PPP6R3: variants seen among roughly 807,000 people sequenced by gnomAD.
PPP6R3 encodes serine/threonine-protein phosphatase 6 regulatory subunit 3.
In PPP6R3, 38 loss-of-function variants were observed where a neutral mutation model predicts 110.7. The observed-to-expected ratio is 0.34, with a 90% confidence interval of 0.26 to 0.45. The LOEUF (loss-of-function observed/expected upper bound fraction) is 0.45. PPP6R3 is among the 20% of genes least tolerant of loss of function. The probability of loss-of-function intolerance (pLI) is 1.00; values close to 1 mark genes in which losing one functional copy is unlikely to be tolerated. For missense variants in PPP6R3, 870 were observed against 1,062.4 expected, an observed-to-expected ratio of 0.82 and a Z score of 2.52; for synonymous variants, 369 against 373.5, an observed-to-expected ratio of 0.99 and a Z score of 0.14.
intron 14 of PPP6R3, among the ~76,000 whole-genome samples, chr11:68,581,833 TG>T (rs1286536471): frequency 2.0e-5 from 3 of 152,218 alleles, no homozygotes. Context: ...ACAAACAGAA[TG>T]GGAGTGCTTT....
At chr11:68,560,192 A>G (rs1432218114) in intron 8 of PPP6R3, among the ~76,000 whole-genome samples, 1 of 152,232 alleles carries the variant, frequency 6.6e-6, no homozygotes, top group Non-Finnish European at 1.5e-5. Context: ...AACAGAAGGA[A>G]AGAAATAATA....
At chr11:68,562,527 A>G (rs1395077494) in intron 8 of PPP6R3, among the ~76,000 whole-genome samples, 1 of 152,232 alleles carries the variant, frequency 6.6e-6, no homozygotes, top group Non-Finnish European at 1.5e-5. Context: ...GACTTAATAC[A>G]AAGCGACAGC....
chr11:68,590,847 C>T, intron 17 of PPP6R3, 133 bp downstream of exon 17: 1 of 1,085,070 alleles, frequency 9.2e-7, no homozygotes, highest in Non-Finnish European at 1.2e-6. Context: ...ACATACTTCA[C>T]TCTGTCCCAC....
chr11:68,568,687 CTCTG>C (rs936162883), intron 10 of PPP6R3, among the ~76,000 whole-genome samples: 8 of 152,124 alleles, frequency 5.3e-5, no homozygotes, highest in Non-Finnish European at 1.2e-4. Flanking sequence ...TTTTGTGTAT[CTCTG>C]TCTGCCATGT....
At position 68,475,008 on chromosome 11, in the gene PPP6R3, A is replaced by C. The variant is rs141574021; in HGVS notation, c.-158+14181A>C. 4.4e-4 allele frequency among the ~76,000 whole-genome samples: 67 copies of C among 152,188 alleles called. 3 individuals are homozygous for C. The East Asian group carries it at 0.012, about 27-fold the overall frequency. On this transcript the variant is annotated intron_variant, in intron 1 of 23. Transcript: ENST00000393800. ...CAGGACAACAGTGGAGGGAAGGTCAACATACAAACAAGTGAACAAAGGTCT... is the reference window on the plus strand; with the variant it reads ...CAGGACAACAGTGGAGGGAAGGTCACCATACAAACAAGTGAACAAAGGTCT...
At chr11:68,603,644 C>A in intron 22 of PPP6R3, 152 bp downstream of exon 22, 1 of 997,404 alleles carries the variant, frequency 1.0e-6, no homozygotes, top group Non-Finnish European at 1.4e-6. Flanking sequence ...CACAATAAAT[C>A]TTAATGAAGA....
intron 1 of PPP6R3, among the ~76,000 whole-genome samples, chr11:68,482,243 A>T (rs1194385846): frequency 6.6e-6 from 1 of 150,386 alleles, no homozygotes; most frequent in Non-Finnish European, 1.5e-5. Context: ...AAAAAAAACC[A>T]AAAAAACCTG....
chr11:68,569,379 A>T (rs1189128517), intron 10 of PPP6R3, among the ~76,000 whole-genome samples: 1 of 152,234 alleles, frequency 6.6e-6, no homozygotes, highest in East Asian at 1.9e-4. Context: ...TTTCCTATAC[A>T]TACCTGTGAC....
intron 21 of PPP6R3, among the ~76,000 whole-genome samples, chr11:68,602,469 G>A (rs1053131345): frequency 2.0e-5 from 3 of 152,162 alleles, no homozygotes; most frequent in Non-Finnish European, 4.4e-5. Flanking sequence ...GCACGGCCCT[G>A]AACTGTTTTC....
chr11:68,534,203 A>G (rs1054962401), intron 2 of PPP6R3, among the ~76,000 whole-genome samples: 5 of 152,308 alleles, frequency 3.3e-5, no homozygotes, highest in African/African-American at 9.6e-5. Flanking sequence ...GCTGTGGGGT[A>G]GACGTTGGGT....
At chr11:68,465,588 G>T (rs1171062903) in intron 1 of PPP6R3, among the ~76,000 whole-genome samples, 2 of 152,190 alleles carry the variant, frequency 1.3e-5, no homozygotes, top group Non-Finnish European at 2.9e-5. Context: ...AGAACTACCA[G>T]TGACCACCAT....
intron 8 of PPP6R3, among the ~76,000 whole-genome samples, chr11:68,563,553 G>A (rs913856127): frequency 2.6e-5 from 4 of 152,144 alleles, no homozygotes; most frequent in Non-Finnish European, 2.9e-5. Context: ...GAATGTGGAC[G>A]TATGTTTTGG....
chr11:68,545,164 T>G, intron 4 of PPP6R3, 140 bp downstream of exon 4: 2 of 536,992 alleles, frequency 3.7e-6, no homozygotes, highest in Non-Finnish European at 6.3e-6. Flanking sequence ...CCTTAAACAT[T>G]CTAAGCACTC....
chr11:68,517,677 C>A (rs2099143792), intron 1 of PPP6R3, among the ~76,000 whole-genome samples: 1 of 152,182 alleles, frequency 6.6e-6, no homozygotes, highest in Non-Finnish European at 1.5e-5. Context: ...GTGGCTCACA[C>A]CTATAATCCC....
intron 16 of PPP6R3, among the ~76,000 whole-genome samples, chr11:68,590,021 C>T (rs2153856396): frequency 6.6e-6 from 1 of 152,312 alleles, no homozygotes; most frequent in African/African-American, 2.4e-5. Context: ...CATTCACGTG[C>T]CTGGACTCTT....
At chr11:68,470,190 C>G (rs2098780424) in intron 1 of PPP6R3, among the ~76,000 whole-genome samples, 1 of 152,086 alleles carries the variant, frequency 6.6e-6, no homozygotes, top group African/African-American at 2.4e-5. Context: ...GATACAGTAG[C>G]CATATGGTAA....
At chr11:68,496,393 C>T (rs1170877328) in intron 1 of PPP6R3, among the ~76,000 whole-genome samples, 8 of 151,968 alleles carry the variant, frequency 5.3e-5, no homozygotes, top group Admixed American at 2.0e-4. Flanking sequence ...CCAGGCTGGA[C>T]GGGGACTCAT....
At chr11:68,565,617 C>G (rs1229145672) in intron 9 of PPP6R3, among the ~76,000 whole-genome samples, 1 of 151,782 alleles carries the variant, frequency 6.6e-6, no homozygotes, top group Non-Finnish European at 1.5e-5. Flanking sequence ...AAGGGCCTGA[C>G]CTGTGTCTTA....
intron 1 of PPP6R3, among the ~76,000 whole-genome samples, chr11:68,509,744 A>AT (rs59022544): frequency 0.39 from 39,841 of 101,432 alleles, 8,599 homozygotes; most frequent in South Asian, 0.51. Flanking sequence ...CATGTGGCTA[A>AT]TTTTTTTTTT....
Sources: allele counts gnomAD v4.1 joint callset (sites outside exome capture counted in the v4.1 genomes callset), GRCh38; gene constraint gnomAD v4.1.1; transcripts MANE v1.5; gene names NCBI Gene and HGNC (gene_info 2026-07-23, HGNC 2026-07-21).